ACTR3B: variants seen among roughly 807,000 people sequenced by gnomAD.
ACTR3B encodes actin-related protein 3B.
ACTR3B carries 8 observed loss-of-function variants against 59.0 expected under a neutral mutation model. That is an observed-to-expected ratio of 0.14 (90% CI 0.08 to 0.24). The LOEUF (loss-of-function observed/expected upper bound fraction) is 0.24, where lower values mean the gene tolerates loss of function less well. ACTR3B is among the 10% of genes least tolerant of loss of function. The pLI is 1.00. For synonymous variants in ACTR3B, 148 were observed against 197.9 expected (o/e 0.75, Z 2.12); for missense variants, 245 against 552.3 (o/e 0.44, Z 5.58).
intron 2 of ACTR3B, among the ~76,000 whole-genome samples, chr7:152,793,678 G>A (rs2116691602): frequency 7.6e-6 from 1 of 132,080 alleles, no homozygotes. Context: ...TTATCTCGGT[G>A]GCATTGTCTA....
At chr7:152,819,876 A>C (rs982961132) in intron 6 of ACTR3B, among the ~76,000 whole-genome samples, 3 of 152,046 alleles carry the variant, frequency 2.0e-5, no homozygotes, top group Non-Finnish European at 2.9e-5. Flanking sequence ...GTATTAACCA[A>C]ATTGCTGACT....
chr7:152,772,918 T>C (rs1437303078), intron 1 of ACTR3B, among the ~76,000 whole-genome samples: 1 of 151,734 alleles, frequency 6.6e-6, no homozygotes, highest in Non-Finnish European at 1.5e-5. Context: ...AGGTTTGGGC[T>C]GGGGAGTGGG....
At chr7:152,761,437 G>A (rs1235552889) in intron 1 of ACTR3B, among the ~76,000 whole-genome samples, 1 of 152,156 alleles carries the variant, frequency 6.6e-6, no homozygotes, top group Non-Finnish European at 1.5e-5. Context: ...ATTCTTGGTA[G>A]TAGCAATAAA....
intron 9 of ACTR3B, among the ~76,000 whole-genome samples, chr7:152,837,457 A>C (rs1395304334): frequency 6.6e-6 from 1 of 152,264 alleles, no homozygotes; most frequent in African/African-American, 2.4e-5. Context: ...GAGTTGAAAA[A>C]TAATAAGCTC....
At chr7:152,764,028 C>T (rs1270766839) in intron 1 of ACTR3B, among the ~76,000 whole-genome samples, 4 of 151,584 alleles carry the variant, frequency 2.6e-5, no homozygotes, top group East Asian at 2.0e-4. Context: ...TTTTTTGAGA[C>T]GGAGTCTTGC....
chr7:152,848,402 C>T (rs1028047505), intron 9 of ACTR3B, among the ~76,000 whole-genome samples: 6 of 152,174 alleles, frequency 3.9e-5, no homozygotes, highest in African/African-American at 1.2e-4. Context: ...GAATCTTAGC[C>T]TGGAAAAGTT....
At chr7:152,773,982 G>A (rs1439098740) in intron 1 of ACTR3B, among the ~76,000 whole-genome samples, 1 of 152,216 alleles carries the variant, frequency 6.6e-6, no homozygotes, top group Non-Finnish European at 1.5e-5. Context: ...GATCTAGGGA[G>A]TGTGTTGGGC....
At chr7:152,833,252 C>G (rs1797170080) in intron 9 of ACTR3B, among the ~76,000 whole-genome samples, 1 of 152,214 alleles carries the variant, frequency 6.6e-6, no homozygotes, top group Non-Finnish European at 1.5e-5. Context: ...TGTCCCTTCC[C>G]ATCAGGCGGC....
rs1461659598 is a variant in ACTR3B at position 152,825,118 on chromosome 7, A to T, written c.947A>T (p.Tyr316Phe). 2 of 1,613,446 alleles carry T rather than the reference A, an allele frequency of 1.2e-6. No homozygotes were observed. Among genetic ancestry groups the T allele is most frequent in the East Asian group, 2.2e-5 (1 of 44,894 alleles). ...NCPIDVRRPL[Y>F]KNVVLSGGST... The stretch of plus-strand genomic sequence containing the variant: ...CCCATCGATGTGCGGCGCCCGCTGT[A>T]TAAGGTATGAGCTGCCTGGGTAAGG... Residue 316 changes from tyrosine (Y) to phenylalanine (F), a missense_variant, in exon 9 of 12, where the codon TAT becomes TTT. Physicochemically the swap from Tyr to Phe is conservative, Grantham distance 22. Coordinates refer to ENST00000256001, the MANE Select transcript of ACTR3B (RefSeq NM_020445.6).
intron 9 of ACTR3B, among the ~76,000 whole-genome samples, chr7:152,837,147 G>A (rs1416584003): frequency 3.9e-5 from 6 of 152,142 alleles, no homozygotes; most frequent in African/African-American, 7.2e-5. Flanking sequence ...CTGCAGTCCC[G>A]CCTGGGTGAC....
chr7:152,782,286 G>A (rs1477727619), intron 1 of ACTR3B, among the ~76,000 whole-genome samples: 3 of 148,722 alleles, frequency 2.0e-5, no homozygotes, highest in African/African-American at 7.5e-5. Flanking sequence ...TGACGGCTTG[G>A]TTGTCCAGAC....
intron 5 of ACTR3B, among the ~76,000 whole-genome samples, chr7:152,814,995 C>T (rs886215647): frequency 1.3e-5 from 2 of 151,666 alleles, no homozygotes; most frequent in Non-Finnish European, 2.9e-5. Flanking sequence ...TTTCCCCTTT[C>T]CGATTTTGGG....
rs1245025843 is a variant in ACTR3B at position 152,759,861 on chromosome 7, C to A, written c.-22C>A. 3.9e-6 allele frequency: 5 copies of A among 1,293,086 alleles called. No individual in the cohort carries two copies. In the East Asian group the frequency reaches 1.3e-4, roughly 33 times the overall value. The allele number at this position is 1,293,086 out of a possible 1,614,324, so 80.1% of individuals were successfully genotyped here. A position where few individuals can be genotyped will look rare whatever the true frequency, so the allele number is the denominator to read the frequency against. Reference sequence around the variant, plus strand: ...GGGCGCTCTCGGGCTGCCGGCGGGGCCGAGCGCCGCGCGTCCCGAGCATGG... The same window carrying A: ...GGGCGCTCTCGGGCTGCCGGCGGGGACGAGCGCCGCGCGTCCCGAGCATGG... On this transcript the variant is annotated 5_prime_UTR_variant, in exon 1 of 12. Coordinates refer to ENST00000256001, the MANE Select transcript of ACTR3B (RefSeq NM_020445.6).
At chr7:152,806,681 A>ACTTGAGTCTACTG (rs1258538158) in intron 4 of ACTR3B, among the ~76,000 whole-genome samples, 19 of 152,196 alleles carry the variant, frequency 1.2e-4, no homozygotes, top group African/African-American at 4.6e-4. Context: ...CAAGTCTACT[A>ACTTGAGTCTACTG]CTTGAGTCTA....
intron 2 of ACTR3B, among the ~76,000 whole-genome samples, chr7:152,787,095 T>C (rs1277213253): frequency 6.6e-6 from 1 of 152,148 alleles, no homozygotes; most frequent in Non-Finnish European, 1.5e-5. Context: ...AACACCTAAT[T>C]AGGTATTGCC....
intron 10 of ACTR3B, among the ~76,000 whole-genome samples, 178 bp from the exon 11 acceptor site, chr7:152,853,316 A>G (rs1180627672): frequency 6.6e-6 from 1 of 151,816 alleles, no homozygotes; most frequent in African/African-American, 2.4e-5. Context: ...GGATTCTGGT[A>G]GGTCTTAGGG....
intron 11 of ACTR3B, among the ~76,000 whole-genome samples, chr7:152,853,966 C>CA (rs1006989935): frequency 3.9e-5 from 6 of 151,992 alleles, no homozygotes; most frequent in African/African-American, 1.5e-4. Flanking sequence ...TCAGGTGATC[C>CA]ACCCCCCTGC....
At chr7:152,790,972 C>A (rs1215196580) in intron 2 of ACTR3B, among the ~76,000 whole-genome samples, 2 of 151,408 alleles carry the variant, frequency 1.3e-5, no homozygotes, top group Admixed American at 6.6e-5. Flanking sequence ...TACCCAAACA[C>A]AATTTTTTTT....
chr7:152,833,937 T>C (rs1797230141), intron 9 of ACTR3B, among the ~76,000 whole-genome samples: 1 of 152,098 alleles, frequency 6.6e-6, no homozygotes, highest in East Asian at 1.9e-4. Context: ...AAATAGACGG[T>C]GGCTGACCCC....
Sources: allele counts gnomAD v4.1 joint callset (sites outside exome capture counted in the v4.1 genomes callset), GRCh38; gene constraint gnomAD v4.1.1; transcripts MANE v1.5; gene names NCBI Gene and HGNC (gene_info 2026-07-23, HGNC 2026-07-21).